The following USP34 variants were observed in gnomAD, a reference collection of about 807,000 sequenced individuals.
USP34 encodes ubiquitin carboxyl-terminal hydrolase 34.
A neutral mutation model predicts 460.3 loss-of-function variants in USP34; 70 were observed. That is an observed-to-expected ratio of 0.15 (90% CI 0.13 to 0.19). The LOEUF is 0.19. Among genes scored for constraint, USP34 ranks in the 10% least tolerant of loss-of-function variants. The pLI is 1.00. For synonymous variants in USP34, 1,647 were observed against 1,405.3 expected (o/e 1.17, Z -3.85); for missense variants, 3,985 against 4,236.2 (o/e 0.94, Z 1.65).
At chr2:61,421,129 T>G (rs1694342039) in intron 1 of USP34, among the ~76,000 whole-genome samples, 1 of 152,154 alleles carries the variant, frequency 6.6e-6, no homozygotes, top group Non-Finnish European at 1.5e-5. Context: ...CAATCTACAT[T>G]TTTCATTTCC....
chr2:61,417,474 A>G, intron 2 of USP34: 1 of 278,282 alleles, frequency 3.6e-6, no homozygotes, highest in South Asian at 4.8e-5. Context: ...TCACACAGAG[A>G]CTGACCATAG....
At chr2:61,256,352 A>G (rs778238982) in intron 48 of USP34, 32 bp downstream of exon 48, 64 of 1,558,176 alleles carry the variant, frequency 4.1e-5, no homozygotes, top group Non-Finnish European at 5.6e-5. Flanking sequence ...TCTACGGTGA[A>G]CATAATAAAA....
chr2:61,256,092 G>A (rs1479761896), intron 48 of USP34, among the ~76,000 whole-genome samples: 3 of 152,206 alleles, frequency 2.0e-5, no homozygotes, highest in East Asian at 1.9e-4. Context: ...TCTGAGACTC[G>A]ATACAGATAA....
At chr2:61,403,602 T>C (rs1284084829) in intron 3 of USP34, among the ~76,000 whole-genome samples, 1 of 152,174 alleles carries the variant, frequency 6.6e-6, no homozygotes, top group Non-Finnish European at 1.5e-5. Context: ...TACTGGAAGA[T>C]CACAGGCTAA....
chr2:61,239,691 T>G (rs1484198675), intron 53 of USP34, among the ~76,000 whole-genome samples: 1 of 152,168 alleles, frequency 6.6e-6, no homozygotes. Flanking sequence ...CATTCCTGGC[T>G]TTTTACCATT....
At chr2:61,235,039 TAAAA>T (rs1441205476) in intron 57 of USP34, among the ~76,000 whole-genome samples, 2 of 152,168 alleles carry the variant, frequency 1.3e-5, no homozygotes, top group African/African-American at 4.8e-5. Context: ...AAAAAAAGAC[TAAAA>T]AATTTTGCAC....
intron 62 of USP34, among the ~76,000 whole-genome samples, chr2:61,225,052 G>C (rs1329382156): frequency 1.3e-5 from 2 of 152,110 alleles, no homozygotes; most frequent in African/African-American, 2.4e-5. Context: ...TTGATTCTGG[G>C]TTGTACAGGG....
chr2:61,445,628 G>A (rs1695093096), intron 1 of USP34, among the ~76,000 whole-genome samples: 1 of 151,750 alleles, frequency 6.6e-6, no homozygotes, highest in Non-Finnish European at 1.5e-5. Flanking sequence ...GTAAATGTGG[G>A]TAAATCTAAA....
intron 29 of USP34, among the ~76,000 whole-genome samples, chr2:61,297,928 C>A (rs1168092375): frequency 1.3e-5 from 2 of 152,036 alleles, no homozygotes; most frequent in Non-Finnish European, 1.5e-5. Flanking sequence ...GAGAAGCAAC[C>A]CTCGAGTAAC....
chr2:61,223,458 G>A (rs1687646263), intron 62 of USP34, 162 bp from the exon 63 acceptor site: 2 of 691,016 alleles, frequency 2.9e-6, no homozygotes, highest in African/African-American at 3.6e-5. Flanking sequence ...ATGTCTTTTG[G>A]GCAACTTTTC....
chr2:61,297,314 C>T (rs1037140611), intron 29 of USP34, among the ~76,000 whole-genome samples: 2 of 152,206 alleles, frequency 1.3e-5, no homozygotes, highest in African/African-American at 4.8e-5. Context: ...AATCCTTGAA[C>T]TTCCATTTAG....
At chr2:61,453,927 CAG>C (rs925535309) in intron 1 of USP34, among the ~76,000 whole-genome samples, 1 of 151,692 alleles carries the variant, frequency 6.6e-6, no homozygotes, top group Non-Finnish European at 1.5e-5. Flanking sequence ...TGGGTAGAAA[CAG>C]GGTTTCATCA....
intron 2 of USP34, among the ~76,000 whole-genome samples, chr2:61,407,927 C>G (rs914942576): frequency 2.0e-5 from 3 of 152,012 alleles, no homozygotes; most frequent in Non-Finnish European, 4.4e-5. Flanking sequence ...TCAGCCTGGT[C>G]AACATGGTGA....
Position 61,420,818 on chromosome 2 carries a change from C to T in USP34, c.59G>A (p.Gly20Asp). 1 of 1,607,876 alleles carries T rather than the reference C, an allele frequency of 6.2e-7. No individual in the cohort carries two copies. Among genetic ancestry groups the T allele is most frequent in the Admixed American group, 1.7e-5 (1 of 59,288 alleles). ...EVLNEISDVE[G>D]GDGLQLRKEH... ...CTTTCTGAGCTGCAGTCCATCACCA[C>T]CTTCTACATCTGATACTGAAATAAA... Residue 20 changes from glycine (G) to aspartate (D), a missense_variant, in exon 2 of 80, where the codon GGT (glycine) becomes GAT (aspartate). Coordinates refer to ENST00000398571, the MANE Select transcript of USP34 (RefSeq NM_014709.4).
chr2:61,406,646 C>T (rs990756201), intron 2 of USP34, among the ~76,000 whole-genome samples: 1 of 151,210 alleles, frequency 6.6e-6, no homozygotes, highest in Admixed American at 6.6e-5. Flanking sequence ...CACACACTCT[C>T]TCTTTCTCTC....
chr2:61,314,396 T>C (rs1246059628), intron 25 of USP34, among the ~76,000 whole-genome samples, 189 bp downstream of exon 25: 1 of 152,170 alleles, frequency 6.6e-6, no homozygotes, highest in Non-Finnish European at 1.5e-5. Flanking sequence ...GGAACCCGTA[T>C]TGCCTATTCC....
At chr2:61,235,778 T>C (rs1688049703) in intron 57 of USP34, 67 bp downstream of exon 57, 2 of 1,508,250 alleles carry the variant, frequency 1.3e-6, no homozygotes, top group Admixed American at 4.1e-5. Context: ...TGTAGCATCT[T>C]AGATCAGAGG....
chr2:61,288,048 A>G (rs2103971011), intron 34 of USP34, among the ~76,000 whole-genome samples: 1 of 152,332 alleles, frequency 6.6e-6, no homozygotes, highest in African/African-American at 2.4e-5. Context: ...GCATTTATCT[A>G]AAAGTATTTA....
intron 1 of USP34, among the ~76,000 whole-genome samples, chr2:61,427,499 C>G (rs896388216): frequency 6.6e-6 from 1 of 152,176 alleles, no homozygotes; most frequent in Non-Finnish European, 1.5e-5. Flanking sequence ...AATAAGGCAT[C>G]AGGGACCAAT....
Sources: allele counts gnomAD v4.1 joint callset (sites outside exome capture counted in the v4.1 genomes callset), GRCh38; gene constraint gnomAD v4.1.1; transcripts MANE v1.5; gene names NCBI Gene and HGNC (gene_info 2026-07-23, HGNC 2026-07-21).